The following CACNA1E variants were observed in gnomAD, a reference collection of about 807,000 sequenced individuals.
CACNA1E encodes voltage-dependent R-type calcium channel subunit alpha-1E.
In CACNA1E, 40 loss-of-function variants were observed where a neutral mutation model predicts 259.2. The ratio of observed to expected loss-of-function variants is 0.15; its 90% CI spans 0.12 to 0.20. CACNA1E has a LOEUF of 0.20. CACNA1E is among the 10% of genes least tolerant of loss of function. CACNA1E has a pLI of 1.00. For synonymous variants in CACNA1E, 1,104 were observed against 1,138.5 expected (o/e 0.97, Z 0.61); for missense variants, 1,874 against 3,040.1 (o/e 0.62, Z 9.02).
At chr1:181,790,370 G>A (rs1661194478) in intron 43 of CACNA1E, 75 bp from the exon 44 acceptor site, 8 of 884,468 alleles carry the variant, frequency 9.0e-6, no homozygotes, top group Admixed American at 1.8e-5. Context: ...GCTAAAGGGT[G>A]TTGCCCTGCT....
chr1:181,438,187 G>A (rs1660217270), intron 2 of CACNA1E, among the ~76,000 whole-genome samples: 1 of 152,162 alleles, frequency 6.6e-6, no homozygotes, highest in East Asian at 1.9e-4. Flanking sequence ...TTGTTTAGTA[G>A]CATATGTCTC....
At chr1:181,588,111 G>T (rs1459428396) in intron 6 of CACNA1E, among the ~76,000 whole-genome samples, 1 of 152,184 alleles carries the variant, frequency 6.6e-6, no homozygotes, top group African/African-American at 2.4e-5. Flanking sequence ...CTGGGCGCCG[G>T]CGCACCGCTG....
At position 181,757,201 on chromosome 1, in the gene CACNA1E, G is replaced by A. The variant is rs185607977; in HGVS notation, c.4329+75G>A. On this transcript the variant is annotated intron_variant, in intron 30 of 47. Coordinates refer to ENST00000367573, the MANE Select transcript of CACNA1E (RefSeq NM_001205293.3). ...TTCTTGGGCCAGCAATGTAAGAAAG[G>A]AGGACTGCATTTTCTTAACTTGATT... is the stretch of plus-strand genomic sequence containing the variant. 6.4e-4 allele frequency: 625 copies of A among 978,886 alleles called. 2 individuals carry two copies. Among genetic ancestry groups the A allele is most frequent in the Admixed American group, 1.9e-3 (99 of 53,088 alleles). 60.6% of individuals were successfully genotyped at this position (978,886 alleles called of 1,614,324 possible). A position where few individuals can be genotyped will look rare whatever the true frequency, so the allele number is the denominator to read the frequency against.
rs1668177462 is a variant in CACNA1E at position 181,536,460 on chromosome 1, C to A, written c.512+24950C>A. ...TTATCGAAATGTTCAATTGCACCAT[C>A]TCTAGGTAATTTTGTAAAATGCTTG... On this transcript the variant is annotated intron_variant, in intron 3 of 47. Transcript: ENST00000367573. 2.0e-5 allele frequency among the ~76,000 whole-genome samples: 3 copies of A among 152,200 alleles called. No homozygotes were observed. In the South Asian group the frequency reaches 6.2e-4, roughly 32 times the overall value.
chr1:181,354,425 G>A (rs1653274592), intron 1 of CACNA1E, among the ~76,000 whole-genome samples: 1 of 152,222 alleles, frequency 6.6e-6, no homozygotes, highest in South Asian at 2.1e-4. Context: ...GGTATGGCCT[G>A]CTGAGAAGGT....
At chr1:181,628,590 CA>C (rs1216630904) in intron 6 of CACNA1E, among the ~76,000 whole-genome samples, 1 of 151,936 alleles carries the variant, frequency 6.6e-6, no homozygotes, top group African/African-American at 2.4e-5. Context: ...GTGATCATTC[CA>C]AAACTCATTA....
chr1:181,318,399 T>C (rs1230509016), intron 1 of CACNA1E, among the ~76,000 whole-genome samples: 1 of 152,204 alleles, frequency 6.6e-6, no homozygotes. Context: ...CCGCGCTCTT[T>C]GGCACTTAGG....
At chr1:181,690,626 T>A (rs1405089963) in intron 7 of CACNA1E, among the ~76,000 whole-genome samples, 1 of 152,244 alleles carries the variant, frequency 6.6e-6, no homozygotes, top group Non-Finnish European at 1.5e-5. Flanking sequence ...TATTTTTCCA[T>A]TTGTTTGTGT....
chr1:181,612,746 A>G (rs1654860263), intron 6 of CACNA1E, among the ~76,000 whole-genome samples: 1 of 152,220 alleles, frequency 6.6e-6, no homozygotes, highest in Non-Finnish European at 1.5e-5. Flanking sequence ...ACTGCAATCT[A>G]CAATCCCACA....
chr1:181,742,795 A>AT (rs1326342164), intron 25 of CACNA1E, among the ~76,000 whole-genome samples: 1 of 152,204 alleles, frequency 6.6e-6, no homozygotes, highest in African/African-American at 2.4e-5. Flanking sequence ...TATGTTGTTT[A>AT]TGCAGTGGCT....
chr1:181,450,176 A>G (rs1661061604), intron 2 of CACNA1E, among the ~76,000 whole-genome samples: 2 of 152,298 alleles, frequency 1.3e-5, no homozygotes, highest in South Asian at 4.1e-4. Context: ...TTTCATGAGA[A>G]TTCACTATCA....
upstream of CACNA1E, among the ~76,000 whole-genome samples, chr1:181,480,970 T>A (rs1410918000): frequency 6.6e-6 from 1 of 152,186 alleles, no homozygotes; most frequent in African/African-American, 2.4e-5. Context: ...AGGAGCGACA[T>A]ACACTTAATA....
intron 7 of CACNA1E, 141 bp from the exon 8 acceptor site, chr1:181,710,813 T>C (rs1278131403): frequency 6.3e-6 from 4 of 633,204 alleles, no homozygotes; most frequent in African/African-American, 3.6e-5. Context: ...GAGGTCATAT[T>C]TGCAGCCTGG....
chr1:181,617,003 A>T (rs545636275), intron 6 of CACNA1E, among the ~76,000 whole-genome samples: 20 of 152,172 alleles, frequency 1.3e-4, no homozygotes, highest in African/African-American at 3.4e-4. Context: ...CATTCATAGG[A>T]TCTGTAGTGA....
chr1:181,650,869 G>A (rs1454307796), intron 6 of CACNA1E, among the ~76,000 whole-genome samples: 1 of 152,232 alleles, frequency 6.6e-6, no homozygotes, highest in African/African-American at 2.4e-5. Flanking sequence ...GTCAAGGGCT[G>A]AGCAAGACGC....
At chr1:181,714,500 G>T (rs1381257415) in intron 8 of CACNA1E, among the ~76,000 whole-genome samples, 1 of 152,074 alleles carries the variant, frequency 6.6e-6, no homozygotes, top group Non-Finnish European at 1.5e-5. Flanking sequence ...TCGGCCATTG[G>T]CAATTAAACT....
chr1:181,360,050 C>T (rs12408625), intron 1 of CACNA1E, among the ~76,000 whole-genome samples: 42,286 of 152,022 alleles, frequency 0.28, 6,142 homozygotes, highest in South Asian at 0.43. Flanking sequence ...TCTTCTGGTG[C>T]ACGGGAATCA....
At chr1:181,569,568 G>A (rs1650197561) in intron 3 of CACNA1E, among the ~76,000 whole-genome samples, 1 of 152,164 alleles carries the variant, frequency 6.6e-6, no homozygotes, top group Non-Finnish European at 1.5e-5. Flanking sequence ...AAGAAATAGA[G>A]AGCAAAACAT....
At chr1:181,662,396 G>A (rs371201295) in intron 7 of CACNA1E, among the ~76,000 whole-genome samples, 4 of 152,104 alleles carry the variant, frequency 2.6e-5, no homozygotes, top group East Asian at 1.9e-4. Context: ...CCTGTCTGGG[G>A]TGCTTTTTCC....
Sources: allele counts gnomAD v4.1 joint callset (sites outside exome capture counted in the v4.1 genomes callset), GRCh38; gene constraint gnomAD v4.1.1; transcripts MANE v1.5; gene names NCBI Gene and HGNC (gene_info 2026-07-23, HGNC 2026-07-21).